SHISA9: variants seen among roughly 807,000 people sequenced by gnomAD.
The protein encoded by SHISA9 is protein shisa-9.
Under a neutral mutation model 38.0 loss-of-function variants are expected in SHISA9, and 13 were observed. That is an observed-to-expected ratio of 0.34 (90% CI 0.22 to 0.54). The LOEUF (loss-of-function observed/expected upper bound fraction) is 0.54. Among genes scored for constraint, SHISA9 ranks in the 20% least tolerant of loss-of-function variants. The pLI is 0.91. For synonymous variants in SHISA9, 275 were observed against 242.0 expected, an observed-to-expected ratio of 1.14 and a Z score of -1.27; for missense variants, 538 against 575.8, an observed-to-expected ratio of 0.93 and a Z score of 0.67.
At chr16:13,063,946 C>T (rs1217770179) in intron 2 of SHISA9, among the ~76,000 whole-genome samples, 1 of 152,216 alleles carries the variant, frequency 6.6e-6, no homozygotes, top group Non-Finnish European at 1.5e-5. Context: ...TGGCTCTGCC[C>T]TACCAAGGAG....
the SHISA9 span, among the ~76,000 whole-genome samples, chr16:13,373,533 C>T: frequency 4.3e-4 from 66 of 152,194 alleles, no homozygotes; most frequent in Admixed American, 1.2e-3. Context: ...GAGGCCGAGG[C>T]GGGCAGATCA....
At chr16:12,950,921 T>A (rs977304608) in intron 2 of SHISA9, among the ~76,000 whole-genome samples, 1 of 140,078 alleles carries the variant, frequency 7.1e-6, no homozygotes, top group Non-Finnish European at 1.6e-5. Flanking sequence ...TTAATTTTTT[T>A]TTTTTTTTAA....
At chr16:13,060,183 C>T (rs554444529) in intron 2 of SHISA9, among the ~76,000 whole-genome samples, 1 of 152,088 alleles carries the variant, frequency 6.6e-6, no homozygotes, top group Non-Finnish European at 1.5e-5. Flanking sequence ...CTCAATGCGC[C>T]CCGATGTGCC....
At chr16:13,021,145 C>T (rs1042116935) in intron 2 of SHISA9, among the ~76,000 whole-genome samples, 37 of 152,206 alleles carry the variant, frequency 2.4e-4, no homozygotes, top group African/African-American at 7.2e-4. Flanking sequence ...TCTCTCGAAG[C>T]GATGGCTCTC....
the SHISA9 span, among the ~76,000 whole-genome samples, chr16:13,390,121 A>G: frequency 1.7e-5 from 1 of 58,612 alleles, no homozygotes; most frequent in African/African-American, 6.5e-5. Flanking sequence ...GGTTTTTTCT[A>G]ACCTTTTTTT....
intron 2 of SHISA9, among the ~76,000 whole-genome samples, chr16:12,973,601 G>T (rs1362955585): frequency 2.0e-5 from 3 of 152,212 alleles, no homozygotes; most frequent in Non-Finnish European, 4.4e-5. Flanking sequence ...ATCTGCAGAT[G>T]CTAGTGATAG....
chr16:13,422,478 T>C, the SHISA9 span, among the ~76,000 whole-genome samples: 1 of 152,192 alleles, frequency 6.6e-6, no homozygotes, highest in East Asian at 1.9e-4. Flanking sequence ...GGTGGATCAC[T>C]TGAGGTCAGG....
chr16:13,050,899 C>A (rs1278154642), intron 2 of SHISA9, among the ~76,000 whole-genome samples: 1 of 152,222 alleles, frequency 6.6e-6, no homozygotes, highest in Non-Finnish European at 1.5e-5. Context: ...ATGTTGCTGT[C>A]CTGGGTAAAC....
the SHISA9 span, among the ~76,000 whole-genome samples, chr16:13,364,945 A>G: frequency 1.3e-5 from 2 of 152,200 alleles, no homozygotes; most frequent in African/African-American, 4.8e-5. Flanking sequence ...TAGAAACATT[A>G]CAAGACCTTG....
chr16:13,015,510 C>G (rs1212697145), intron 2 of SHISA9, among the ~76,000 whole-genome samples: 9 of 152,236 alleles, frequency 5.9e-5, no homozygotes, highest in Non-Finnish European at 1.3e-4. Context: ...CTTTACTCCA[C>G]TCTATGCTCC....
chr16:13,085,031 AG>A (rs1330423189), intron 2 of SHISA9, among the ~76,000 whole-genome samples: 3 of 152,176 alleles, frequency 2.0e-5, no homozygotes, highest in Non-Finnish European at 4.4e-5. Context: ...GAAGGTAAGC[AG>A]GAAGGTGTCC....
the SHISA9 span, among the ~76,000 whole-genome samples, chr16:13,464,814 T>C: frequency 9.2e-5 from 14 of 152,180 alleles, no homozygotes; most frequent in Non-Finnish European, 1.9e-4. Context: ...ATGTTCTATT[T>C]CTATGCCCAC....
chr16:13,484,568 T>C, the SHISA9 span, among the ~76,000 whole-genome samples: 1 of 152,234 alleles, frequency 6.6e-6, no homozygotes, highest in Non-Finnish European at 1.5e-5. Context: ...CCTCTCTGGC[T>C]GTATAGTAAG....
chr16:13,095,143 T>G (rs1407039286), intron 2 of SHISA9, among the ~76,000 whole-genome samples: 1 of 152,220 alleles, frequency 6.6e-6, no homozygotes, highest in Non-Finnish European at 1.5e-5. Flanking sequence ...CAATCGTTGT[T>G]CCTGGCCATA....
chr16:13,280,526 A>G, the SHISA9 span, among the ~76,000 whole-genome samples: 1 of 151,798 alleles, frequency 6.6e-6, no homozygotes, highest in Non-Finnish European at 1.5e-5. Flanking sequence ...ATATTTTAAG[A>G]AGTTTTTGAG....
At chr16:13,482,618 G>A in the SHISA9 span, among the ~76,000 whole-genome samples, 18 of 151,946 alleles carry the variant, frequency 1.2e-4, no homozygotes, top group East Asian at 5.8e-4. Context: ...TGAGCAACAT[G>A]GCAAGACCCC....
chr16:13,127,408 GAGAC>G, intron 2 of SHISA9, among the ~76,000 whole-genome samples: 1 of 145,876 alleles, frequency 6.9e-6, no homozygotes, highest in Non-Finnish European at 1.5e-5. Context: ...GAGAGAGAAG[GAGAC>G]AGAGGAGGAG....
intron 2 of SHISA9, among the ~76,000 whole-genome samples, chr16:12,975,200 C>T (rs1049430704): frequency 4.6e-5 from 7 of 152,074 alleles, no homozygotes; most frequent in Non-Finnish European, 1.0e-4. Flanking sequence ...AGTTCACATA[C>T]AGCTATTATG....
chr16:13,516,930 C>G, the SHISA9 span, among the ~76,000 whole-genome samples: 4 of 152,070 alleles, frequency 2.6e-5, no homozygotes, highest in Non-Finnish European at 5.9e-5. Flanking sequence ...TAAAACTGAC[C>G]TGTTCACTGT....
Sources: allele counts gnomAD v4.1 joint callset (sites outside exome capture counted in the v4.1 genomes callset), GRCh38; gene constraint gnomAD v4.1.1; transcripts MANE v1.5; gene names NCBI Gene and HGNC (gene_info 2026-07-23, HGNC 2026-07-21).